The following CSMD1 variants were observed in gnomAD, a reference collection of about 807,000 sequenced individuals.
The protein encoded by CSMD1 is CUB and Sushi multiple domains 1, also known as CUB and sushi domain-containing protein 1.
CSMD1 carries 213 observed loss-of-function variants against 417.5 expected under a neutral mutation model. The observed-to-expected ratio is 0.51, with a 90% CI of 0.46 to 0.57. CSMD1 has a LOEUF of 0.57. Ranked by LOEUF, CSMD1 falls within the 20% of genes least tolerant of loss-of-function variation. The probability of loss-of-function intolerance (pLI) is 0.00; values close to 1 mark genes in which losing one functional copy is unlikely to be tolerated. For missense variants in CSMD1, 6,923 were observed against 4,529.7 expected (o/e 1.53, Z -15.17); for synonymous variants, 2,862 against 1,736.8 (o/e 1.65, Z -16.11).
At chr8:3,638,852 A>C (rs1797171105) in intron 7 of CSMD1, among the ~76,000 whole-genome samples, 1 of 152,176 alleles carries the variant, frequency 6.6e-6, no homozygotes, top group African/African-American at 2.4e-5. Flanking sequence ...GATACCCTGG[A>C]ATATAAAGAT....
chr8:4,109,443 T>G (rs866221489), intron 3 of CSMD1, among the ~76,000 whole-genome samples: 1 of 152,198 alleles, frequency 6.6e-6, no homozygotes, highest in African/African-American at 2.4e-5. Flanking sequence ...TATTTGGGAA[T>G]TGAGTACCAC....
intron 3 of CSMD1, among the ~76,000 whole-genome samples, chr8:4,177,599 T>C (rs535992014): frequency 1.9e-4 from 29 of 149,754 alleles, no homozygotes; most frequent in Middle Eastern, 3.4e-3. Flanking sequence ...CTGAAGGAAA[T>C]AGAGATGCAA....
At chr8:4,275,478 T>A (rs1563373275) in intron 3 of CSMD1, among the ~76,000 whole-genome samples, 1 of 136,692 alleles carries the variant, frequency 7.3e-6, no homozygotes, top group South Asian at 2.4e-4. Flanking sequence ...AGATCACAGA[T>A]CTCGTAGAGG....
Position 3,205,516 on chromosome 8 carries a change from G to C in CSMD1, c.4972C>G (p.Pro1658Ala). 6.5e-7 allele frequency: 1 copy of C among 1,543,080 alleles called. No homozygotes were observed. Among genetic ancestry groups the C allele is most frequent in the South Asian group, 1.2e-5 (1 of 85,618 alleles). The change falls in exon 31 of 70, where the codon CCA (proline) becomes GCA (alanine). Residue 1658 changes from proline (P) to alanine (A), a missense_variant. By Grantham distance (27) the Pro-to-Ala change is conservative (BLOSUM62 -1). Transcript: ENST00000635120. ...GQICLYSITV[P>A]KEFVVFGQFA... ...AGGACATCCTTACCGAATTCCTTTG[G>C]TACCGTGATGGAATAGAGGCATATT...
At chr8:3,407,724 C>A (rs578123203) in intron 14 of CSMD1, among the ~76,000 whole-genome samples, 175 bp downstream of exon 14, 1 of 152,242 alleles carries the variant, frequency 6.6e-6, no homozygotes, top group African/African-American at 2.4e-5. Flanking sequence ...TACAGTGATA[C>A]ATTTGTTTTT....
chr8:3,047,307 T>G (rs62490532), intron 50 of CSMD1, among the ~76,000 whole-genome samples: 6 of 151,482 alleles, frequency 4.0e-5, no homozygotes, highest in Non-Finnish European at 7.4e-5. Flanking sequence ...TCTGTAGAAA[T>G]TGGTCCCAGA....
chr8:3,695,148 C>A lies in CSMD1; in HGVS notation c.1009+13266G>T, dbSNP rs143364972. 1.6e-3 allele frequency among the ~76,000 whole-genome samples: 230 copies of A among 144,728 alleles called. 3 individuals carry two copies. The highest frequency in any genetic ancestry group is 6.7e-4 in the Non-Finnish European group (44 of 65,806). The allele number at this position is 144,728 out of a possible 152,430, so 94.9% of individuals were successfully genotyped here. On this transcript the variant is annotated intron_variant, in intron 7 of 69. Coordinates refer to ENST00000635120, the MANE Select transcript of CSMD1 (RefSeq NM_033225.6). Reference sequence around the variant, plus strand: ...GAAGAAGTGTAGTACAAGGATATTGCAGGAGCACAGGGGGACATATTTCCA... The same window carrying A: ...GAAGAAGTGTAGTACAAGGATATTGAAGGAGCACAGGGGGACATATTTCCA...
intron 5 of CSMD1, among the ~76,000 whole-genome samples, chr8:3,784,152 T>C (rs531272709): frequency 2.0e-5 from 3 of 152,314 alleles, no homozygotes; most frequent in South Asian, 4.1e-4. Context: ...CTCTCTCTCA[T>C]GCATACATAT....
chr8:3,512,219 C>T (rs539628390), intron 10 of CSMD1, among the ~76,000 whole-genome samples: 1 of 152,328 alleles, frequency 6.6e-6, no homozygotes, highest in South Asian at 2.1e-4. Context: ...TACCACCGCT[C>T]CTCGCGGGTC....
intron 10 of CSMD1, among the ~76,000 whole-genome samples, chr8:3,543,136 A>T (rs934648170): frequency 5.3e-5 from 8 of 152,138 alleles, no homozygotes; most frequent in African/African-American, 1.9e-4. Flanking sequence ...ATGATCCCAG[A>T]CAGAGAGAAG....
intron 10 of CSMD1, among the ~76,000 whole-genome samples, chr8:3,569,702 C>A (rs771713269): frequency 6.6e-6 from 1 of 151,928 alleles, no homozygotes; most frequent in East Asian, 1.9e-4. Flanking sequence ...ATTGAGAAAC[C>A]CACTTACTTG....
At chr8:3,497,214 G>C (rs1796402966) in intron 10 of CSMD1, among the ~76,000 whole-genome samples, 1 of 152,028 alleles carries the variant, frequency 6.6e-6, no homozygotes, top group African/African-American at 2.4e-5. Flanking sequence ...TTTCTGTCTA[G>C]ATAATCTGTT....
intron 42 of CSMD1, among the ~76,000 whole-genome samples, chr8:3,117,568 C>A (rs1008895150): frequency 6.6e-6 from 1 of 152,044 alleles, no homozygotes; most frequent in Non-Finnish European, 1.5e-5. Context: ...GTGAGAATAT[C>A]GGGTTTACAG....
At chr8:3,838,238 A>G (rs755402191) in intron 5 of CSMD1, among the ~76,000 whole-genome samples, 1 of 152,056 alleles carries the variant, frequency 6.6e-6, no homozygotes, top group Admixed American at 6.6e-5. Context: ...TACAACCTGC[A>G]GTCAGAAATT....
At chr8:4,416,322 T>C (rs112975951) in intron 3 of CSMD1, among the ~76,000 whole-genome samples, 20 of 152,046 alleles carry the variant, frequency 1.3e-4, no homozygotes, top group African/African-American at 4.8e-4. Context: ...ACTTATAAAA[T>C]GAACTAAAAA....
rs538986887 is a variant in CSMD1 at position 4,307,204 on chromosome 8, G to A, written c.415+112749C>T. Among the ~76,000 whole-genome samples, 199 of 152,100 alleles carry A rather than the reference G, an allele frequency of 1.3e-3. 2 individuals are homozygous for A. Among genetic ancestry groups the A allele is most frequent in the African/African-American group, 4.7e-3 (197 of 41,474 alleles). On this transcript the variant is annotated intron_variant, in intron 3 of 69. Transcript: ENST00000635120. Reference sequence around the variant, plus strand: ...AATACTGTATCAACCCCCTTCTACGGCTCATTATTTTTATAATACAGCTCA... The same window carrying A: ...AATACTGTATCAACCCCCTTCTACGACTCATTATTTTTATAATACAGCTCA...
At chr8:3,509,320 G>A (rs543881556) in intron 10 of CSMD1, among the ~76,000 whole-genome samples, 11 of 152,276 alleles carry the variant, frequency 7.2e-5, no homozygotes, top group African/African-American at 2.6e-4. Context: ...CATAGTTATA[G>A]TAAATCATTT....
At chr8:3,648,333 A>G (rs530153953) in intron 7 of CSMD1, among the ~76,000 whole-genome samples, 227 of 152,212 alleles carry the variant, frequency 1.5e-3, no homozygotes, top group Non-Finnish European at 2.3e-3. Context: ...AGTTGTTGCT[A>G]TATTGAACAA....
At chr8:4,029,296 G>A (rs1024613365) in intron 4 of CSMD1, among the ~76,000 whole-genome samples, 2 of 152,188 alleles carry the variant, frequency 1.3e-5, no homozygotes, top group Non-Finnish European at 2.9e-5. Flanking sequence ...GCATTAGTCT[G>A]TTTTCACGCT....
Sources: allele counts gnomAD v4.1 joint callset (sites outside exome capture counted in the v4.1 genomes callset), GRCh38; gene constraint gnomAD v4.1.1; transcripts MANE v1.5; gene names NCBI Gene and HGNC (gene_info 2026-07-23, HGNC 2026-07-21).